CEP43: variants seen among roughly 807,000 people sequenced by gnomAD.
CEP43 encodes the protein centrosomal protein 43.
A neutral mutation model predicts 52.6 loss-of-function variants in CEP43; 36 were observed. The ratio of observed to expected loss-of-function variants is 0.68; its 90% CI spans 0.52 to 0.90. CEP43 has a LOEUF of 0.90. CEP43 is among the 40% of genes least tolerant of loss of function. The probability of loss-of-function intolerance (pLI) is 0.00; values close to 1 mark genes in which losing one functional copy is unlikely to be tolerated. For synonymous variants in CEP43, 192 were observed against 172.4 expected (o/e 1.11, Z -0.89); for missense variants, 506 against 472.8 (o/e 1.07, Z -0.65).
chr6:167,032,294 C>G (rs926188647), intron 10 of CEP43, among the ~76,000 whole-genome samples: 3 of 152,164 alleles, frequency 2.0e-5, no homozygotes, highest in Non-Finnish European at 2.9e-5. Context: ...TGATGACTTG[C>G]TATTGCTATA....
chr6:167,014,944 A>G (rs1278696049), intron 7 of CEP43, among the ~76,000 whole-genome samples: 4 of 152,266 alleles, frequency 2.6e-5, no homozygotes, highest in African/African-American at 9.6e-5. Context: ...AGCATATTTT[A>G]TAGTATTAAG....
At chr6:167,032,370 G>A (rs1040084998) in intron 10 of CEP43, among the ~76,000 whole-genome samples, 7 of 152,122 alleles carry the variant, frequency 4.6e-5, no homozygotes, top group African/African-American at 1.7e-4. Context: ...TAGAGTACCC[G>A]GAGTAAAGAT....
chr6:167,037,045 A>G lies in CEP43; in HGVS notation c.1126-2859A>G, dbSNP rs1399700821. Among the ~76,000 whole-genome samples, 5 of 152,106 alleles carry G rather than the reference A, an allele frequency of 3.3e-5. No individual in the cohort carries two copies. The East Asian group carries it at 9.6e-4, about 29-fold the overall frequency. ...GGTCTCAAACTCCTGGCCTCTTGTG[A>G]TCCCCCCGCCTTGGCCTCTCAAAGT... On this transcript the variant is annotated intron_variant, in intron 12 of 12. Coordinates refer to ENST00000366847, the MANE Select transcript of CEP43 (RefSeq NM_007045.4).
intron 5 of CEP43, among the ~76,000 whole-genome samples, chr6:167,005,705 G>C (rs1180701392): frequency 6.6e-6 from 1 of 152,162 alleles, no homozygotes; most frequent in Non-Finnish European, 1.5e-5. Flanking sequence ...TTATTTGATA[G>C]ATACTGTGCT....
chr6:167,040,165 A>T lies in CEP43; in HGVS notation c.*187A>T, dbSNP rs1431983213. 2.6e-6 allele frequency: 4 copies of T among 1,535,266 alleles called. No individual in the cohort carries two copies. In the African/African-American group the frequency reaches 5.5e-5, roughly 21 times the overall value. On this transcript the variant is annotated 3_prime_UTR_variant, in exon 13 of 13. Transcript: ENST00000366847. ...AACAAAATACTTCCTATTTGAGCCC[A>T]TGTGTGGAAGATTTAATATTCTTAA...
At chr6:167,024,967 T>G in intron 9 of CEP43, 73 bp downstream of exon 9, 2 of 834,096 alleles carry the variant, frequency 2.4e-6, no homozygotes, top group East Asian at 2.5e-5. Context: ...TGATTATTGT[T>G]GATTTTTTTT....
rs1780761319 is a variant in CEP43, at chr6:167,044,433, A to G, written c.*4455A>G. 9.1e-6 allele frequency: 9 copies of G among 985,376 alleles called. No individual in the cohort carries two copies. The highest frequency in any genetic ancestry group is 1.1e-5 in the Non-Finnish European group (9 of 829,870). The allele number at this position is 985,376 out of a possible 1,614,324, so 61.0% of individuals were successfully genotyped here. A position where few individuals can be genotyped will look rare whatever the true frequency, so the allele number is the denominator to read the frequency against. Reference sequence around the variant, plus strand: ...GAAGACCAAGATGACAAGATGCGCCAGGAGACTTGGCCAGAGGACCTCCAG... The same window carrying G: ...GAAGACCAAGATGACAAGATGCGCCGGGAGACTTGGCCAGAGGACCTCCAG... On this transcript the variant is annotated 3_prime_UTR_variant, in exon 13 of 13. Transcript: ENST00000366847.
At chr6:167,021,191 T>C (rs944804462) in intron 7 of CEP43, among the ~76,000 whole-genome samples, 1 of 152,204 alleles carries the variant, frequency 6.6e-6, no homozygotes, top group Non-Finnish European at 1.5e-5. Flanking sequence ...TACTGCTCTC[T>C]TTAGTATGCA....
chr6:167,007,588 A>T (rs1779884243), intron 5 of CEP43, among the ~76,000 whole-genome samples: 1 of 151,492 alleles, frequency 6.6e-6, no homozygotes, highest in African/African-American at 2.5e-5. Flanking sequence ...TTCATTATTT[A>T]TTAGTGTTTT....
rs1388139549 is a variant in CEP43 at position 167,003,177 on chromosome 6, T to A, written c.157-16T>A. Reference sequence around the variant, plus strand: ...AGGGTAAACACATGACACTTAAATTTTTTTTTTTTTAACAGAACAAAACTC... The same window carrying A: ...AGGGTAAACACATGACACTTAAATTATTTTTTTTTTAACAGAACAAAACTC... On this transcript the variant is annotated splice_polypyrimidine_tract_variant and intron_variant, in intron 2 of 12. Coordinates refer to ENST00000366847, the MANE Select transcript of CEP43 (RefSeq NM_007045.4). 1 of 1,296,816 alleles carries A rather than the reference T, an allele frequency of 7.7e-7. No homozygotes were observed. The highest frequency in any genetic ancestry group is 1.1e-6 in the Non-Finnish European group (1 of 931,854). 80.3% of individuals were successfully genotyped at this position (1,296,816 alleles called of 1,614,324 possible). A position where few individuals can be genotyped will look rare whatever the true frequency, so the allele number is the denominator to read the frequency against.
chr6:167,034,375 T>C (rs1257820489), intron 12 of CEP43, among the ~76,000 whole-genome samples: 2 of 152,184 alleles, frequency 1.3e-5, no homozygotes, highest in African/African-American at 4.8e-5. Flanking sequence ...AGTTGTGACA[T>C]CTGAACAGGC....
At position 167,052,377 on chromosome 6, in the gene CEP43, A is replaced by G. The variant is rs1189765572; in HGVS notation, c.*12399A>G. Reference sequence around the variant, plus strand: ...GCAGGAAGGAAGGAAGAGGAAGGAAAAGTGTGTGAAAGGGGGCTCCACCTC... The same window carrying G: ...GCAGGAAGGAAGGAAGAGGAAGGAAGAGTGTGTGAAAGGGGGCTCCACCTC... On this transcript the variant is annotated 3_prime_UTR_variant, in exon 13 of 13. Transcript: ENST00000366847. The G allele has an allele frequency of 2.0e-5, 3 of 152,168 alleles. No homozygotes were observed. The highest frequency in any genetic ancestry group is 7.2e-5 in the African/African-American group (3 of 41,440). 9.4% of individuals were successfully genotyped at this position (152,168 alleles called of 1,614,324 possible).
chr6:167,003,479 A>C, intron 3 of CEP43: 1 of 513,368 alleles, frequency 1.9e-6, no homozygotes, highest in Non-Finnish European at 3.4e-6. Flanking sequence ...TAACCATTAA[A>C]AAGCGAAACA....
chr6:167,006,895 C>T (rs916030254), intron 5 of CEP43, among the ~76,000 whole-genome samples: 27 of 152,190 alleles, frequency 1.8e-4, no homozygotes, highest in African/African-American at 6.5e-4. Flanking sequence ...ATAGTATATT[C>T]GAATCCTGTG....
chr6:167,034,753 T>C (rs898214421), intron 12 of CEP43, among the ~76,000 whole-genome samples: 11 of 151,934 alleles, frequency 7.2e-5, no homozygotes, highest in African/African-American at 2.7e-4. Context: ...TTTCATATAT[T>C]TTCTTATTTA....
At position 167,047,634 on chromosome 6, in the gene CEP43, T is replaced by C. The variant is rs186849598; in HGVS notation, c.*7656T>C. On this transcript the variant is annotated 3_prime_UTR_variant, in exon 13 of 13. Coordinates refer to ENST00000366847, the MANE Select transcript of CEP43 (RefSeq NM_007045.4). ...AGAAGAGAGAATACTTCTCGGATGATTGTTCAGTTTCTGATGAATGTCTGT... is the reference window on the plus strand; with the variant it reads ...AGAAGAGAGAATACTTCTCGGATGACTGTTCAGTTTCTGATGAATGTCTGT... 2.7e-4 allele frequency: 41 copies of C among 152,280 alleles called. No individual in the cohort carries two copies. Among genetic ancestry groups the C allele is most frequent in the African/African-American group, 9.1e-4 (38 of 41,546 alleles). The allele number at this position is 152,280 out of a possible 1,614,324, so 9.4% of individuals were successfully genotyped here. A position where few individuals can be genotyped will look rare whatever the true frequency, so the allele number is the denominator to read the frequency against.
At chr6:167,025,680 C>T (rs564782790) in intron 9 of CEP43, among the ~76,000 whole-genome samples, 12 of 152,298 alleles carry the variant, frequency 7.9e-5, no homozygotes, top group South Asian at 2.1e-4. Flanking sequence ...ATAAGAGAGC[C>T]GGCCTGTTGC....
rs59100209 is a variant in CEP43 at position 167,041,682 on chromosome 6, A to G, written c.*1704A>G. 4.6e-3 allele frequency: 4,799 copies of G among 1,042,994 alleles called. 144 individuals are homozygous for G. In the African/African-American group the frequency reaches 0.07, roughly 15 times the overall value. The allele number at this position is 1,042,994 out of a possible 1,614,324, so 64.6% of individuals were successfully genotyped here. ...AAGCATAGCAGGATGTGGCTTTTTA[A>G]ATTTATGAAACTTTCGAACAGTAGC... On this transcript the variant is annotated 3_prime_UTR_variant, in exon 13 of 13. Coordinates refer to ENST00000366847, the MANE Select transcript of CEP43 (RefSeq NM_007045.4).
rs952249392 is a variant in CEP43, at chr6:167,046,869, C to G, written c.*6891C>G. The stretch of plus-strand genomic sequence containing the variant: ...GAGCTTGCCTGGCAAGTTACTCTTG[C>G]AATTCTAGCTTCCAGCAGGCGTTGA... On this transcript the variant is annotated 3_prime_UTR_variant, in exon 13 of 13. Coordinates refer to ENST00000366847, the MANE Select transcript of CEP43 (RefSeq NM_007045.4). 9.2e-5 allele frequency: 14 copies of G among 152,266 alleles called. No individual in the cohort carries two copies. Among genetic ancestry groups the G allele is most frequent in the African/African-American group, 3.1e-4 (13 of 41,464 alleles). 9.4% of individuals were successfully genotyped at this position (152,266 alleles called of 1,614,324 possible). A position where few individuals can be genotyped will look rare whatever the true frequency, so the allele number is the denominator to read the frequency against.
Sources: gnomAD v4.1 joint callset for allele counts (sites outside exome capture counted in the v4.1 genomes callset) on GRCh38, gnomAD v4.1.1 for gene constraint, MANE v1.5 for transcripts, NCBI Gene and HGNC (gene_info 2026-07-23, HGNC 2026-07-21) for gene names.